The following AOPEP variants were observed in gnomAD, a reference collection of about 807,000 sequenced individuals.
The protein encoded by AOPEP is aminopeptidase O.
AOPEP carries 77 observed loss-of-function variants against 98.1 expected under a neutral mutation model. That is an observed-to-expected ratio of 0.78 (90% CI 0.65 to 0.95). AOPEP has a LOEUF of 0.95. Among genes scored for constraint, AOPEP ranks in the 40% least tolerant of loss-of-function variants. The pLI is 0.00. For synonymous variants in AOPEP, 346 were observed against 365.3 expected, an observed-to-expected ratio of 0.95 and a Z score of 0.60; for missense variants, 1,024 against 1,024.7, an observed-to-expected ratio of 1.00 and a Z score of 0.01.
intron 13 of AOPEP, among the ~76,000 whole-genome samples, chr9:95,026,112 A>C (rs2063817601): frequency 1.3e-5 from 2 of 152,230 alleles, no homozygotes; most frequent in Non-Finnish European, 2.9e-5. Context: ...TCTGAAGTCA[A>C]GAAAGTAAGA....
the AOPEP span, among the ~76,000 whole-genome samples, chr9:95,109,180 G>A: frequency 1.3e-5 from 2 of 152,292 alleles, no homozygotes; most frequent in Middle Eastern, 3.4e-3. Flanking sequence ...CCAAAGTGCT[G>A]AGATTACAGG....
intron 14 of AOPEP, among the ~76,000 whole-genome samples, chr9:95,080,079 T>A (rs2069563946): frequency 6.6e-6 from 1 of 152,234 alleles, no homozygotes; most frequent in South Asian, 2.1e-4. Context: ...ACCAGCAGCC[T>A]GGTCGGAATG....
rs147490196 is a variant in AOPEP, at chr9:94,857,479, C to T, written c.1364+56477C>T. Among the ~76,000 whole-genome samples the T allele has an allele frequency of 7.6e-3, 1,157 of 152,244 alleles. 19 individuals carry two copies. Among genetic ancestry groups the T allele is most frequent in the African/African-American group, 0.026 (1,071 of 41,530 alleles). On this transcript the variant is annotated intron_variant, in intron 5 of 16. Transcript: ENST00000375315. ...AGCAAGATGGCTGCTCTGGTAGGAG[C>T]GCATTTTCCTTGTCTTCTGGGAGGA...
chr9:94,925,140 T>C lies in AOPEP; in HGVS notation c.1554+965T>C, dbSNP rs1038759445. On this transcript the variant is annotated intron_variant, in intron 6 of 16. Transcript: ENST00000375315. Reference sequence around the variant, plus strand: ...CTGAGTAGCTAGGATGACAGGCACATGTCACCATGCCCAGCTAATTTTTGT... The same window carrying C: ...CTGAGTAGCTAGGATGACAGGCACACGTCACCATGCCCAGCTAATTTTTGT... 4.6e-5 allele frequency among the ~76,000 whole-genome samples: 7 copies of C among 152,210 alleles called. No homozygotes were observed. The East Asian group carries it at 1.4e-3, about 29-fold the overall frequency.
intron 3 of AOPEP, among the ~76,000 whole-genome samples, chr9:94,791,505 A>C (rs572190702): frequency 2.7e-5 from 3 of 109,534 alleles, no homozygotes; most frequent in Admixed American, 1.0e-4. Context: ...CTGTCTCTCA[A>C]AAAAAAAAAA....
intron 5 of AOPEP, among the ~76,000 whole-genome samples, chr9:94,835,159 A>G (rs1216398266): frequency 6.6e-6 from 1 of 152,148 alleles, no homozygotes; most frequent in African/African-American, 2.4e-5. Context: ...TTTTGGAATA[A>G]CTTTCCCTTC....
the AOPEP span, among the ~76,000 whole-genome samples, chr9:95,106,826 G>C: frequency 4.6e-5 from 7 of 152,286 alleles, no homozygotes; most frequent in Non-Finnish European, 8.8e-5. Context: ...GCAGCAAGCC[G>C]TGGGCCCAGG....
intron 5 of AOPEP, among the ~76,000 whole-genome samples, chr9:94,910,288 ACT>A (rs1009040030): frequency 2.6e-5 from 4 of 151,744 alleles, no homozygotes; most frequent in African/African-American, 9.7e-5. Flanking sequence ...GAAGCAGGGT[ACT>A]CTCTCTTACC....
chr9:95,144,456 G>A, the AOPEP span, among the ~76,000 whole-genome samples: 1 of 152,192 alleles, frequency 6.6e-6, no homozygotes, highest in Non-Finnish European at 1.5e-5. Flanking sequence ...TTGGGGAGCC[G>A]CTGCCCTCAG....
chr9:94,939,756 C>A (rs1015291596), intron 7 of AOPEP, among the ~76,000 whole-genome samples: 1 of 152,120 alleles, frequency 6.6e-6, no homozygotes, highest in Non-Finnish European at 1.5e-5. Context: ...TCAGTATCCT[C>A]GGGGCATTGG....
At chr9:94,877,686 G>A (rs1290473867) in intron 5 of AOPEP, among the ~76,000 whole-genome samples, 1 of 152,106 alleles carries the variant, frequency 6.6e-6, no homozygotes, top group Admixed American at 6.5e-5. Flanking sequence ...CTCCTAAAGT[G>A]CTAGAATTAC....
intron 5 of AOPEP, among the ~76,000 whole-genome samples, chr9:94,806,393 A>C (rs1849268543): frequency 1.3e-5 from 2 of 152,146 alleles, no homozygotes; most frequent in South Asian, 4.1e-4. Context: ...CTGCTTTTTC[A>C]AACAGGTGGG....
chr9:95,023,954 T>C (rs771426327), intron 13 of AOPEP, among the ~76,000 whole-genome samples: 3 of 152,236 alleles, frequency 2.0e-5, no homozygotes, highest in Non-Finnish European at 4.4e-5. Flanking sequence ...AGCCATAACA[T>C]TACTTGATAA....
chr9:94,825,984 C>G (rs1165350421), intron 5 of AOPEP, among the ~76,000 whole-genome samples: 1 of 151,428 alleles, frequency 6.6e-6, no homozygotes. Context: ...ATAAAAATAG[C>G]TTTTTCTTTT....
intron 11 of AOPEP, among the ~76,000 whole-genome samples, chr9:94,999,058 G>A (rs533457171): frequency 2.4e-4 from 36 of 151,910 alleles, no homozygotes; most frequent in African/African-American, 8.5e-4. Flanking sequence ...ACTTCTAAAC[G>A]TTGTTAATGG....
chr9:95,126,385 C>G, the AOPEP span: 1 of 802,966 alleles, frequency 1.2e-6, no homozygotes, highest in East Asian at 2.8e-5. Context: ...CTCTAATTAC[C>G]AAAAAGCTCA....
the AOPEP span, among the ~76,000 whole-genome samples, chr9:95,095,399 G>A: frequency 3.9e-5 from 6 of 152,184 alleles, no homozygotes; most frequent in South Asian, 2.1e-4. Context: ...CTGCCGTCCC[G>A]TTCCCTGTGT....
the AOPEP span, among the ~76,000 whole-genome samples, chr9:95,140,834 T>C: frequency 6.6e-6 from 1 of 152,144 alleles, no homozygotes; most frequent in South Asian, 2.1e-4. Context: ...GTTGCCATCA[T>C]TATCATCTGC....
chr9:94,940,744 C>T (rs1219037292), intron 7 of AOPEP, among the ~76,000 whole-genome samples: 1 of 152,188 alleles, frequency 6.6e-6, no homozygotes, highest in Non-Finnish European at 1.5e-5. Context: ...GCAGAGGGCA[C>T]AGGGACACAG....
Sources: gnomAD v4.1 joint callset for allele counts (sites outside exome capture counted in the v4.1 genomes callset) on GRCh38, gnomAD v4.1.1 for gene constraint, MANE v1.5 for transcripts, NCBI Gene and HGNC (gene_info 2026-07-23, HGNC 2026-07-21) for gene names.